Variants in ZNF331 observed in about 807,000 individuals in gnomAD.
ZNF331 encodes C2H2-like zinc finger protein rearranged in thyroid adenomas.
A neutral mutation model predicts 7.0 loss-of-function variants in ZNF331; 2 were observed. The ratio of observed to expected loss-of-function variants is 0.29; its 90% CI spans 0.12 to 0.90. ZNF331 has a LOEUF of 0.90. Among genes scored for constraint, ZNF331 ranks in the 40% least tolerant of loss-of-function variants. The probability of loss-of-function intolerance (pLI) is 0.58; values close to 1 mark genes in which losing one functional copy is unlikely to be tolerated. For synonymous variants in ZNF331, 196 were observed against 205.4 expected (o/e 0.95, Z 0.39); for missense variants, 432 against 587.7 (o/e 0.74, Z 2.74).
chr19:53,544,775 C>T (rs1422092453), intron 2 of ZNF331, among the ~76,000 whole-genome samples: 1 of 151,818 alleles, frequency 6.6e-6, no homozygotes, highest in Non-Finnish European at 1.5e-5. Flanking sequence ...TCTCTGTCAC[C>T]CAGGCTGGAG....
At chr19:53,516,225 C>A (rs948754126), upstream of ZNF331, among the ~76,000 whole-genome samples, 1 of 151,936 alleles carries the variant, frequency 6.6e-6, no homozygotes, top group African/African-American at 2.4e-5. Context: ...CCGAGGTGGG[C>A]GGATCGCCTG....
intron 3 of ZNF331, among the ~76,000 whole-genome samples, chr19:53,556,203 GCTT>G (rs2089409165): frequency 7.3e-6 from 1 of 137,734 alleles, no homozygotes; most frequent in Non-Finnish European, 1.5e-5. Context: ...AGATCGCACC[GCTT>G]CACTCCAGCC....
At chr19:53,503,619 G>A in the ZNF331 span, 1 of 695,704 alleles carries the variant, frequency 1.4e-6, no homozygotes, top group Non-Finnish European at 2.6e-6. Flanking sequence ...CATTTCCGGA[G>A]TGATTCTGGA....
chr19:53,556,299 T>G lies in ZNF331; in HGVS notation c.-74+391T>G, dbSNP rs114916374. 3.7e-3 allele frequency among the ~76,000 whole-genome samples: 565 copies of G among 150,866 alleles called. 4 individuals carry two copies. The highest frequency in any genetic ancestry group is 0.013 in the African/African-American group (534 of 41,158). ...TGAATTAGACGTTTTGTAAATATCC[T>G]ATCCAAGATGACGACTGATTATTCA... On this transcript the variant is annotated intron_variant, in intron 3 of 5. Coordinates refer to ENST00000449416, the MANE Select transcript of ZNF331 (RefSeq NM_001079906.2).
At chr19:53,537,886 A>G (rs1397636901), upstream of ZNF331, 1 of 152,122 alleles carries the variant, frequency 6.6e-6, no homozygotes, top group Non-Finnish European at 1.5e-5. Flanking sequence ...GTGTCTGCAC[A>G]TGCGTGTCGG....
At chr19:53,535,148 T>C (rs55667422), upstream of ZNF331, among the ~76,000 whole-genome samples, 11,007 of 151,926 alleles carry the variant, frequency 0.072, 527 homozygotes, top group Non-Finnish European at 0.11. Context: ...CAGGCTGGAG[T>C]GCAATGGTAC....
Position 53,560,201 on chromosome 19 carries a change from A to G in ZNF331, c.-74+4293A>G, listed in dbSNP as rs2089790596. ...ACACCATACACACACATATATACACACACCATATATATACACACATATATA... is the reference window on the plus strand; with the variant it reads ...ACACCATACACACACATATATACACGCACCATATATATACACACATATATA... On this transcript the variant is annotated intron_variant, in intron 3 of 5. Transcript: ENST00000449416. The surrounding 1 kb of genome is among the most constrained non-coding windows in gnomAD (Gnocchi z 4.3). Among the ~76,000 whole-genome samples, 1 of 150,702 alleles carries G rather than the reference A, an allele frequency of 6.6e-6. No homozygotes were observed. The highest frequency in any genetic ancestry group is 1.5e-5 in the Non-Finnish European group (1 of 67,372).
At position 53,577,613 on chromosome 19, in the gene ZNF331, C is replaced by T. The variant is rs371312229; in HGVS notation, c.1053C>T (p.Gly351=). 9.3e-6 allele frequency: 15 copies of T among 1,612,480 alleles called. No homozygotes were observed. The African/African-American group carries it at 1.5e-4, about 16-fold the overall frequency. ...SLVKHERIHT[G]EKPYKCTECG... ...TTAAGCACGAGAGGATACATACGGG[C>T]GAGAAGCCGTACAAGTGCACAGAAT... Residue 351 remains glycine (G), a synonymous_variant, in exon 6 of 6, where the codon GGC becomes GGT. Transcript: ENST00000449416.
At chr19:53,503,413 T>C in the ZNF331 span, 5 of 544,394 alleles carry the variant, frequency 9.2e-6, no homozygotes, top group East Asian at 1.3e-4. Context: ...GATGTGGCCA[T>C]GGGAACGATC....
Position 53,578,104 on chromosome 19 carries a change from T to A in ZNF331, c.*152T>A. 1 of 1,028,452 alleles carries A rather than the reference T, an allele frequency of 9.7e-7. No homozygotes were observed. The highest frequency in any genetic ancestry group is 1.4e-6 in the Non-Finnish European group (1 of 732,038). 63.7% of individuals were successfully genotyped at this position (1,028,452 alleles called of 1,614,324 possible). On this transcript the variant is annotated 3_prime_UTR_variant, in exon 6 of 6. Transcript: ENST00000449416. ...AAATGGTGTGCCCTTCTGAGTAGCG[T>A]GATGAAATCTCTCGCTGTCCGGCTC... is the stretch of plus-strand genomic sequence containing the variant.
upstream of ZNF331, among the ~76,000 whole-genome samples, chr19:53,534,662 A>G (rs559878326): frequency 1.3e-5 from 2 of 152,276 alleles, no homozygotes; most frequent in South Asian, 4.1e-4. Flanking sequence ...TGTTTCTGTC[A>G]TCACATGTTT....
At chr19:53,514,653 T>C (rs2086854645), upstream of ZNF331, among the ~76,000 whole-genome samples, 1 of 47,094 alleles carries the variant, frequency 2.1e-5, no homozygotes, top group Non-Finnish European at 3.8e-5. Flanking sequence ...AGCCTTCTCC[T>C]TTTTTTTTTT....
rs1381160485 is a variant in ZNF331, at chr19:53,571,087, C to G, written c.10-517C>G. Among the ~76,000 whole-genome samples the G allele has an allele frequency of 6.6e-6, 1 of 151,746 alleles. No homozygotes were observed. Among genetic ancestry groups the G allele is most frequent in the Non-Finnish European group, 1.5e-5 (1 of 67,962 alleles). On this transcript the variant is annotated intron_variant, in intron 4 of 5. Transcript: ENST00000449416. This position sits in a 1 kb window ranked among gnomAD's most constrained non-coding sequence, Gnocchi z 4.7. Reference sequence around the variant, plus strand: ...TGTTTGCCAGGATGGTCTCGATCTCCTGACCTCGTGATCCGCCTGCCTTGT... The same window carrying G: ...TGTTTGCCAGGATGGTCTCGATCTCGTGACCTCGTGATCCGCCTGCCTTGT...
chr19:53,559,405 T>C (rs567617748), intron 3 of ZNF331, among the ~76,000 whole-genome samples: 1 of 150,380 alleles, frequency 6.6e-6, no homozygotes, highest in East Asian at 2.0e-4. Flanking sequence ...CCTACATATA[T>C]ACACACATAC....
At chr19:53,570,284 C>T (rs753848146) in intron 4 of ZNF331, among the ~76,000 whole-genome samples, 2 of 145,452 alleles carry the variant, frequency 1.4e-5, no homozygotes, top group Middle Eastern at 3.3e-3. Context: ...AAATCAGGAA[C>T]GGGGGAAAGG....
At chr19:53,506,365 A>C in the ZNF331 span, among the ~76,000 whole-genome samples, 13 of 131,130 alleles carry the variant, frequency 9.9e-5, no homozygotes, top group Non-Finnish European at 1.3e-4. Flanking sequence ...AAAGAATCAC[A>C]CCTCCCCCAT....
chr19:53,504,344 T>C, the ZNF331 span: 4 of 214,112 alleles, frequency 1.9e-5, no homozygotes, highest in South Asian at 3.0e-4. Context: ...GTACAATGTT[T>C]ATGTTTCTTC....
At chr19:53,515,110 C>T (rs2147204021), upstream of ZNF331, among the ~76,000 whole-genome samples, 1 of 152,282 alleles carries the variant, frequency 6.6e-6, no homozygotes, top group Admixed American at 6.5e-5. Context: ...ATAAAAAGGA[C>T]ACAGGCTTAT....
At chr19:53,533,537 T>G (rs968323036), upstream of ZNF331, among the ~76,000 whole-genome samples, 3 of 152,214 alleles carry the variant, frequency 2.0e-5, no homozygotes, top group African/African-American at 7.2e-5. Context: ...TTCCAGTGTT[T>G]CCTTATTGAT....
Sources: allele counts gnomAD v4.1 joint callset (sites outside exome capture counted in the v4.1 genomes callset), GRCh38; gene constraint gnomAD v4.1.1; non-coding constraint Gnocchi (gnomAD v3.1); transcripts MANE v1.5; gene names NCBI Gene and HGNC (gene_info 2026-07-23, HGNC 2026-07-21).